FBXW11: variants seen among roughly 807,000 people sequenced by gnomAD.
FBXW11 encodes F-box and WD repeat domain containing 11.
Under a neutral mutation model 77.6 loss-of-function variants are expected in FBXW11, and 19 were observed. The ratio of observed to expected loss-of-function variants is 0.24; its 90% CI spans 0.17 to 0.36. FBXW11 has a LOEUF of 0.36. Among genes scored for constraint, FBXW11 ranks in the 10% least tolerant of loss-of-function variants. The pLI is 1.00. For synonymous variants in FBXW11, 235 were observed against 249.4 expected (o/e 0.94, Z 0.54); for missense variants, 334 against 704.2 (o/e 0.47, Z 5.95).
At chr5:171,955,301 G>T (rs769443570) in intron 2 of FBXW11, among the ~76,000 whole-genome samples, 10 of 152,156 alleles carry the variant, frequency 6.6e-5, no homozygotes, top group Non-Finnish European at 1.5e-4. Flanking sequence ...TTTTAAGGGG[G>T]ACTCTTTCAT....
At chr5:171,919,757 C>A (rs939059949) in intron 2 of FBXW11, among the ~76,000 whole-genome samples, 1 of 152,212 alleles carries the variant, frequency 6.6e-6, no homozygotes, top group African/African-American at 2.4e-5. Flanking sequence ...CAAAGCTAGA[C>A]TCTGTAAGAC....
At chr5:171,992,627 G>C (rs1416306205) in intron 1 of FBXW11, among the ~76,000 whole-genome samples, 1 of 152,068 alleles carries the variant, frequency 6.6e-6, no homozygotes, top group Non-Finnish European at 1.5e-5. Context: ...CTTAGCTGTA[G>C]CCCATTCCTT....
intron 1 of FBXW11, among the ~76,000 whole-genome samples, chr5:171,967,883 T>TATATATATATATATAC (rs1244744249): frequency 8.0e-5 from 6 of 74,988 alleles, no homozygotes; most frequent in African/African-American, 3.0e-4. Flanking sequence ...TATATATATA[T>TATATATATATATATAC]ACACACACAC....
chr5:171,987,521 G>A (rs1765511723), intron 1 of FBXW11, among the ~76,000 whole-genome samples: 1 of 152,056 alleles, frequency 6.6e-6, no homozygotes, highest in Non-Finnish European at 1.5e-5. Context: ...CACAATCTCA[G>A]CTCACTGCAA....
chr5:171,905,030 C>CT (rs1191909064), intron 4 of FBXW11, among the ~76,000 whole-genome samples: 1 of 152,182 alleles, frequency 6.6e-6, no homozygotes, highest in Non-Finnish European at 1.5e-5. Context: ...CTTACTAATA[C>CT]TTATTTCTTC....
chr5:171,935,980 G>C (rs537921480), intron 2 of FBXW11, among the ~76,000 whole-genome samples: 1 of 151,506 alleles, frequency 6.6e-6, no homozygotes, highest in Non-Finnish European at 1.5e-5. Context: ...GCATGGTGGC[G>C]GGTGCCTGTA....
At chr5:171,920,358 T>C (rs888387849) in intron 2 of FBXW11, among the ~76,000 whole-genome samples, 2 of 147,572 alleles carry the variant, frequency 1.4e-5, no homozygotes, top group African/African-American at 5.0e-5. Flanking sequence ...TGCCAACTGA[T>C]CACAGATATG....
intron 2 of FBXW11, among the ~76,000 whole-genome samples, chr5:171,930,491 C>T (rs879417306): frequency 6.6e-6 from 1 of 152,112 alleles, no homozygotes; most frequent in African/African-American, 2.4e-5. Flanking sequence ...TGTTTTGGTT[C>T]ACAGGTGACA....
At chr5:171,929,138 G>C (rs539926403) in intron 2 of FBXW11, among the ~76,000 whole-genome samples, 1 of 151,764 alleles carries the variant, frequency 6.6e-6, no homozygotes, top group Non-Finnish European at 1.5e-5. Flanking sequence ...AGGAGGCCAA[G>C]GTGGGTGGAT....
intron 2 of FBXW11, among the ~76,000 whole-genome samples, chr5:171,940,505 A>C (rs761753708): frequency 1.3e-5 from 2 of 152,200 alleles, no homozygotes; most frequent in Non-Finnish European, 2.9e-5. Flanking sequence ...GGCTGGTTCC[A>C]AGGCTGAGAG....
intron 7 of FBXW11, among the ~76,000 whole-genome samples, chr5:171,889,937 T>C (rs1211206297): frequency 6.6e-6 from 1 of 151,882 alleles, no homozygotes; most frequent in Non-Finnish European, 1.5e-5. Flanking sequence ...GACAACTCAC[T>C]AATTGGGAAA....
chr5:171,961,063 A>T (rs1227717995), intron 1 of FBXW11, among the ~76,000 whole-genome samples: 2 of 152,232 alleles, frequency 1.3e-5, no homozygotes, highest in Non-Finnish European at 2.9e-5. Context: ...CATTTTTACA[A>T]TAATCCTACA....
rs558131680 is a variant in FBXW11 at position 171,991,975 on chromosome 5, C to T, written c.45+14483G>A. On this transcript the variant is annotated intron_variant, in intron 1 of 13. Coordinates refer to ENST00000517395, the MANE Select transcript of FBXW11 (RefSeq NM_001378974.1). ...ACTAAAAATACAAAAATTAGCTGGG[C>T]GTGGTGGTGCACGCCTGTAGTCCCA... is the stretch of plus-strand genomic sequence containing the variant. 4.6e-5 allele frequency among the ~76,000 whole-genome samples: 7 copies of T among 151,722 alleles called. No individual in the cohort carries two copies. In the East Asian group the frequency reaches 1.2e-3, roughly 25 times the overall value.
intron 1 of FBXW11, among the ~76,000 whole-genome samples, chr5:171,991,133 T>A (rs555018411): frequency 6.6e-6 from 1 of 152,272 alleles, no homozygotes; most frequent in African/African-American, 2.4e-5. Context: ...GCCCCTTTTG[T>A]ACCTTAATTT....
chr5:171,932,040 A>G (rs773469172), intron 2 of FBXW11, among the ~76,000 whole-genome samples: 5 of 151,824 alleles, frequency 3.3e-5, no homozygotes, highest in African/African-American at 7.3e-5. Flanking sequence ...ATACGTGGCT[A>G]ATTTTTGTAT....
At chr5:171,881,651 C>G (rs1443347327) in intron 7 of FBXW11, among the ~76,000 whole-genome samples, 2 of 152,178 alleles carry the variant, frequency 1.3e-5, no homozygotes, top group East Asian at 3.8e-4. Context: ...TTGTAGAGAA[C>G]TGGTGTAATT....
intron 7 of FBXW11, among the ~76,000 whole-genome samples, chr5:171,882,904 C>T (rs761116940): frequency 6.6e-6 from 1 of 152,010 alleles, no homozygotes; most frequent in Non-Finnish European, 1.5e-5. Flanking sequence ...GTATATACTG[C>T]ACCATATTTG....
chr5:171,971,208 T>C (rs1365791842), intron 1 of FBXW11, among the ~76,000 whole-genome samples: 2 of 152,352 alleles, frequency 1.3e-5, no homozygotes, highest in Non-Finnish European at 2.9e-5. Context: ...CAGATAGTTA[T>C]GGCTTAACAC....
chr5:171,977,628 G>A (rs1244517034), intron 1 of FBXW11: 1 of 451,170 alleles, frequency 2.2e-6, no homozygotes. Flanking sequence ...AAGTTTAACT[G>A]GACTTACAGT....
Sources: gnomAD v4.1 joint callset for allele counts (sites outside exome capture counted in the v4.1 genomes callset) on GRCh38, gnomAD v4.1.1 for gene constraint, MANE v1.5 for transcripts, NCBI Gene and HGNC (gene_info 2026-07-23, HGNC 2026-07-21) for gene names.